The following SAMMSON variants were observed in gnomAD, a reference collection of about 807,000 sequenced individuals.
The protein encoded by SAMMSON is long intergenic non-protein coding RNA 1212.
intron 8 of SAMMSON, among the ~76,000 whole-genome samples, chr3:70,357,464 T>G (rs992083845): frequency 6.6e-6 from 1 of 152,180 alleles, no homozygotes; most frequent in Non-Finnish European, 1.5e-5. Flanking sequence ...ATGAATGTGA[T>G]GTTTTTAAAT....
chr3:70,224,732 C>A (rs1241237807), intron 4 of SAMMSON, among the ~76,000 whole-genome samples: 8 of 151,400 alleles, frequency 5.3e-5, no homozygotes, highest in African/African-American at 1.7e-4. Flanking sequence ...TTTTTTAATT[C>A]ATTTAACCAT....
At chr3:70,309,116 A>T (rs963612914) in intron 7 of SAMMSON, among the ~76,000 whole-genome samples, 2 of 152,130 alleles carry the variant, frequency 1.3e-5, no homozygotes, top group Non-Finnish European at 2.9e-5. Context: ...TAAAATTCTG[A>T]TTGATAACTG....
At chr3:70,143,029 C>T (rs1191155474) in intron 4 of SAMMSON, among the ~76,000 whole-genome samples, 1 of 152,168 alleles carries the variant, frequency 6.6e-6, no homozygotes, top group African/African-American at 2.4e-5. Flanking sequence ...GAATGAACCA[C>T]TTAAAGCCTC....
intron 4 of SAMMSON, among the ~76,000 whole-genome samples, chr3:70,182,526 G>A (rs182196688): frequency 1.3e-5 from 2 of 152,096 alleles, no homozygotes; most frequent in South Asian, 2.1e-4. Flanking sequence ...AGATTGGAGC[G>A]GGGTGGAGCT....
At chr3:70,312,611 C>T (rs752267142) in intron 7 of SAMMSON, 1 of 152,222 alleles carries the variant, frequency 6.6e-6, no homozygotes, top group Non-Finnish European at 1.5e-5. Flanking sequence ...TGCAGCCTCC[C>T]TTGTCTCTGG....
At chr3:70,370,459 T>C (rs758278084) in intron 9 of SAMMSON, among the ~76,000 whole-genome samples, 1 of 152,026 alleles carries the variant, frequency 6.6e-6, no homozygotes, top group Non-Finnish European at 1.5e-5. Context: ...TCTACATCCT[T>C]GTCAGCATCT....
chr3:70,120,797 A>G (rs376416955), intron 4 of SAMMSON: 1 of 152,294 alleles, frequency 6.6e-6, no homozygotes, highest in African/African-American at 2.4e-5. Context: ...CATATAGAGC[A>G]GTGATCCCCA....
At chr3:70,004,482 C>T (rs2066918487) in intron 1 of SAMMSON, among the ~76,000 whole-genome samples, 1 of 152,176 alleles carries the variant, frequency 6.6e-6, no homozygotes, top group South Asian at 2.1e-4. Context: ...GGGTGACAGT[C>T]AACTTGTAGA....
At chr3:70,337,222 C>A (rs1373185016) in intron 7 of SAMMSON, among the ~76,000 whole-genome samples, 1 of 147,312 alleles carries the variant, frequency 6.8e-6, no homozygotes, top group East Asian at 2.0e-4. Flanking sequence ...TTAATAATAT[C>A]TAACTTAATA....
chr3:70,204,172 G>A (rs1253669159), intron 4 of SAMMSON, among the ~76,000 whole-genome samples: 1 of 152,104 alleles, frequency 6.6e-6, no homozygotes, highest in Non-Finnish European at 1.5e-5. Context: ...CTATTACTAT[G>A]CACTCATTTA....
chr3:70,005,177 A>T (rs1160124865), intron 1 of SAMMSON, among the ~76,000 whole-genome samples: 4 of 152,146 alleles, frequency 2.6e-5, no homozygotes, highest in African/African-American at 9.7e-5. Context: ...ATTTTATTTT[A>T]AAAGTTACCT....
intron 2 of SAMMSON, among the ~76,000 whole-genome samples, chr3:70,427,461 C>T (rs1056429996): frequency 3.3e-5 from 5 of 152,018 alleles, no homozygotes; most frequent in African/African-American, 7.2e-5. Context: ...CCAAAAGGGC[C>T]GGGCGCGGTG....
intron 1 of SAMMSON, among the ~76,000 whole-genome samples, chr3:70,002,143 A>G (rs1418873740): frequency 1.3e-5 from 2 of 152,198 alleles, no homozygotes; most frequent in Admixed American, 1.3e-4. Context: ...TGTTCTGTAA[A>G]TAAAAGGTCA....
At chr3:70,258,173 C>G (rs1701834275) in intron 6 of SAMMSON, among the ~76,000 whole-genome samples, 2 of 152,056 alleles carry the variant, frequency 1.3e-5, no homozygotes, top group Admixed American at 1.3e-4. Context: ...AAGGCAAAAA[C>G]TATCATGTTC....
intron 6 of SAMMSON, among the ~76,000 whole-genome samples, chr3:70,266,056 A>G (rs1559548849): frequency 1.3e-5 from 2 of 152,170 alleles, no homozygotes; most frequent in Non-Finnish European, 2.9e-5. Context: ...CAGAAAAGAG[A>G]ATGAGAAATC....
At chr3:70,412,720 C>T (rs1478402020) in intron 2 of SAMMSON, among the ~76,000 whole-genome samples, 1 of 152,106 alleles carries the variant, frequency 6.6e-6, no homozygotes, top group Non-Finnish European at 1.5e-5. Flanking sequence ...AGATTAGAGT[C>T]TACTTAGAAG....
chr3:70,228,816 G>C (rs2106742725), intron 4 of SAMMSON, among the ~76,000 whole-genome samples: 1 of 151,540 alleles, frequency 6.6e-6, no homozygotes, highest in African/African-American at 2.4e-5. Context: ...ATGGATAGCT[G>C]GGTTATACCT....
At chr3:70,144,871 T>C (rs891306471) in intron 4 of SAMMSON, among the ~76,000 whole-genome samples, 1 of 152,182 alleles carries the variant, frequency 6.6e-6, no homozygotes, top group African/African-American at 2.4e-5. Flanking sequence ...TGTGGAACTG[T>C]AAGTCCAATT....
chr3:70,383,850 A>G (rs1703095679), intron 9 of SAMMSON, among the ~76,000 whole-genome samples: 1 of 152,070 alleles, frequency 6.6e-6, no homozygotes, highest in Admixed American at 6.6e-5. Context: ...AGCCTATAAC[A>G]TCTGCCCTAC....
Sources: gnomAD v4.1 joint callset for allele counts (sites outside exome capture counted in the v4.1 genomes callset) on GRCh38, gnomAD v4.1.1 for gene constraint, MANE v1.5 for transcripts, NCBI Gene and HGNC (gene_info 2026-07-23, HGNC 2026-07-21) for gene names.